FAM107B: variants seen among roughly 807,000 people sequenced by gnomAD.
The protein encoded by FAM107B is family with sequence similarity 107 member B.
FAM107B carries 21 observed loss-of-function variants against 31.5 expected under a neutral mutation model. The observed-to-expected ratio is 0.67, with a 90% CI of 0.47 to 0.96. The LOEUF is 0.96. Among genes scored for constraint, FAM107B ranks in the 40% least tolerant of loss-of-function variants. The pLI is 0.00. For missense variants in FAM107B, 452 were observed against 377.1 expected (o/e 1.20, Z -1.64); for synonymous variants, 157 against 141.5 (o/e 1.11, Z -0.78).
chr10:14,648,623 A>T (rs1299756085), intron 2 of FAM107B, among the ~76,000 whole-genome samples: 1 of 152,218 alleles, frequency 6.6e-6, no homozygotes, highest in Non-Finnish European at 1.5e-5. Context: ...TTATTGAGAC[A>T]CAGAGGACAG....
At chr10:14,683,982 C>T (rs796908790) in intron 1 of FAM107B, among the ~76,000 whole-genome samples, 6 of 152,326 alleles carry the variant, frequency 3.9e-5, no homozygotes, top group African/African-American at 1.4e-4. Context: ...ATACTATAGA[C>T]TACCTGTCTT....
chr10:14,579,578 C>T (rs969081921), intron 2 of FAM107B, among the ~76,000 whole-genome samples: 1 of 152,184 alleles, frequency 6.6e-6, no homozygotes, highest in African/African-American at 2.4e-5. Context: ...TCTACTTAAG[C>T]AAATCCAGAA....
At chr10:14,741,444 G>A (rs961003027) in intron 1 of FAM107B, among the ~76,000 whole-genome samples, 1 of 152,126 alleles carries the variant, frequency 6.6e-6, no homozygotes, top group Non-Finnish European at 1.5e-5. Flanking sequence ...TAAGGTCACC[G>A]CACCAGCCTA....
At chr10:14,710,952 A>T in intron 1 of FAM107B, among the ~76,000 whole-genome samples, 1 of 152,074 alleles carries the variant, frequency 6.6e-6, no homozygotes, top group East Asian at 1.9e-4. Flanking sequence ...TTGCTCTGTC[A>T]CCCAGACTAG....
chr10:14,728,994 T>C (rs763022507), intron 1 of FAM107B, among the ~76,000 whole-genome samples: 1 of 152,082 alleles, frequency 6.6e-6, no homozygotes, highest in African/African-American at 2.4e-5. Flanking sequence ...GATAGATATA[T>C]GTGTTTTGTT....
intron 1 of FAM107B, among the ~76,000 whole-genome samples, chr10:14,707,421 G>A (rs563271005): frequency 1.7e-4 from 26 of 151,988 alleles, no homozygotes; most frequent in African/African-American, 3.1e-4. Flanking sequence ...AGAAGTTTGC[G>A]TTCCCAGGTA....
intron 1 of FAM107B, 89 bp downstream of exon 1, chr10:14,774,164 T>G: frequency 4.5e-5 from 67 of 1,490,792 alleles, no homozygotes; most frequent in African/African-American, 6.9e-5. Context: ...TAAGGTTAAA[T>G]GAGTTTGTTT....
At chr10:14,553,391 T>TA (rs756478120) in intron 2 of FAM107B, 11,312 of 1,080,036 alleles carry the variant, frequency 0.01, 1 homozygote, top group East Asian at 0.015. Context: ...CATTCTCCTT[T>TA]AAAAAAAAAA....
rs182129448 is a variant in FAM107B, at chr10:14,608,656, G to A, written c.469+58978C>T. ...TTCCTCACACAACAGCCCCGTCCAG[G>A]AGGGCGAAAGAGGAAGTGGTAAGGC... On this transcript the variant is annotated intron_variant, in intron 2 of 4. Coordinates refer to ENST00000181796, the MANE Select transcript of FAM107B (RefSeq NM_031453.4). Among the ~76,000 whole-genome samples, 9 of 152,326 alleles carry A rather than the reference G, an allele frequency of 5.9e-5. No homozygotes were observed. The East Asian group carries it at 1.7e-3, about 29-fold the overall frequency.
chr10:14,745,419 C>T (rs1396351578), intron 1 of FAM107B, among the ~76,000 whole-genome samples: 2 of 152,188 alleles, frequency 1.3e-5, no homozygotes, highest in East Asian at 3.9e-4. Context: ...ATCTTTCTAG[C>T]TTTTTGATGT....
intron 1 of FAM107B, among the ~76,000 whole-genome samples, chr10:14,719,317 C>T (rs988543536): frequency 6.6e-6 from 1 of 152,174 alleles, no homozygotes; most frequent in Non-Finnish European, 1.5e-5. Context: ...CTTCATTGGC[C>T]TGTCCTCGGG....
At chr10:14,679,226 C>T (rs1165630627) in intron 1 of FAM107B, among the ~76,000 whole-genome samples, 1 of 152,056 alleles carries the variant, frequency 6.6e-6, no homozygotes, top group African/African-American at 2.4e-5. Flanking sequence ...ACCTGCTGGG[C>T]TCAAGCGATC....
chr10:14,714,442 A>G (rs1363756938), intron 1 of FAM107B, among the ~76,000 whole-genome samples: 1 of 152,212 alleles, frequency 6.6e-6, no homozygotes, highest in Non-Finnish European at 1.5e-5. Flanking sequence ...CTTGAAAATA[A>G]GATGCAAATG....
intron 2 of FAM107B, chr10:14,548,473 C>T (rs1400723499): frequency 1.0e-6 from 1 of 985,634 alleles, no homozygotes; most frequent in Non-Finnish European, 1.2e-6. Flanking sequence ...CAGGGCTCCT[C>T]TGCAGTTCAC....
intron 2 of FAM107B, among the ~76,000 whole-genome samples, chr10:14,594,355 T>A (rs1242680203): frequency 6.6e-6 from 1 of 151,674 alleles, no homozygotes; most frequent in African/African-American, 2.4e-5. Context: ...ATATAAAATT[T>A]AAAAATTAGA....
chr10:14,583,743 AG>A (rs1851732890), intron 2 of FAM107B, among the ~76,000 whole-genome samples: 1 of 152,132 alleles, frequency 6.6e-6, no homozygotes, highest in African/African-American at 2.4e-5. Context: ...AGGAAACTAC[AG>A]GGAAAAAGGA....
chr10:14,669,403 T>G lies in FAM107B; in HGVS notation c.412-1712A>C, dbSNP rs571873274. ...AAAAAAAGGAAGAAAGAAATGTCCTTTTCGAAGGAAATCAGTATATCAAAG... is the reference window on the plus strand; with the variant it reads ...AAAAAAAGGAAGAAAGAAATGTCCTGTTCGAAGGAAATCAGTATATCAAAG... On this transcript the variant is annotated intron_variant, in intron 1 of 4. Coordinates refer to ENST00000181796, the MANE Select transcript of FAM107B (RefSeq NM_031453.4). Among the ~76,000 whole-genome samples, 160 of 150,156 alleles carry G rather than the reference T, an allele frequency of 1.1e-3. 1 individual carries two copies. Among genetic ancestry groups the G allele is most frequent in the African/African-American group, 3.5e-3 (145 of 41,082 alleles).
intron 2 of FAM107B, among the ~76,000 whole-genome samples, chr10:14,660,794 A>G (rs570876217): frequency 6.6e-6 from 1 of 152,322 alleles, no homozygotes; most frequent in South Asian, 2.1e-4. Flanking sequence ...GTAAAAAGGC[A>G]GAGCAACCCA....
chr10:14,682,243 C>T (rs1854853807), intron 1 of FAM107B, among the ~76,000 whole-genome samples: 1 of 152,142 alleles, frequency 6.6e-6, no homozygotes, highest in Non-Finnish European at 1.5e-5. Flanking sequence ...GTCAAGGAAG[C>T]TTGGGCTGGC....
Sources: allele counts gnomAD v4.1 joint callset (sites outside exome capture counted in the v4.1 genomes callset), GRCh38; gene constraint gnomAD v4.1.1; transcripts MANE v1.5; gene names NCBI Gene and HGNC (gene_info 2026-07-23, HGNC 2026-07-21).